Variants in CDKL5 observed in about 807,000 individuals in gnomAD.
CDKL5 encodes cyclin-dependent kinase-like 5.
In CDKL5, 8 loss-of-function variants were observed where a neutral mutation model predicts 61.7. The observed-to-expected ratio is 0.13, with a 90% CI of 0.08 to 0.23. CDKL5 has a LOEUF of 0.23. Ranked by LOEUF, CDKL5 falls within the 10% of genes least tolerant of loss-of-function variation. The pLI, the probability that CDKL5 is intolerant of heterozygous loss-of-function variation, is 1.00. For synonymous variants in CDKL5, 275 were observed against 272.3 expected (o/e 1.01, Z -0.10); for missense variants, 440 against 734.5 (o/e 0.60, Z 4.63).
intron 20 of CDKL5, among the ~76,000 whole-genome samples, chrX:18,648,203 G>C (rs1318233738): frequency 9.0e-6 from 1 of 110,743 alleles, no homozygotes; most frequent in East Asian, 2.9e-4. Flanking sequence ...GTCAGAGGCT[G>C]CCAATTTTCA....
chrX:18,587,654 A>T, intron 8 of CDKL5: 2 of 269,253 alleles, frequency 7.4e-6, no homozygotes, highest in Non-Finnish European at 1.3e-5. Context: ...TACTTGCCAG[A>T]TATGTATACT....
intron 3 of CDKL5, among the ~76,000 whole-genome samples, chrX:18,543,096 A>G (rs1279506968): frequency 9.0e-6 from 1 of 110,777 alleles, no homozygotes; most frequent in Non-Finnish European, 1.9e-5. Context: ...GTGTATGTGT[A>G]AAAGAGTGTT....
intron 1 of CDKL5, among the ~76,000 whole-genome samples, chrX:18,452,117 T>C (rs1489655652): frequency 1.8e-5 from 2 of 111,960 alleles, no homozygotes; most frequent in Admixed American, 9.5e-5. Flanking sequence ...ATTGTATTAA[T>C]AGATTTTTCA....
downstream of CDKL5, chrX:18,640,903 C>T (rs1289647661): frequency 8.9e-6 from 1 of 112,956 alleles, no homozygotes; most frequent in Non-Finnish European, 1.9e-5. Context: ...CAATCTAAGG[C>T]GCCGCCTCCA....
intron 1 of CDKL5, among the ~76,000 whole-genome samples, chrX:18,472,284 T>A (rs11094741): frequency 0.27 from 29,723 of 110,790 alleles, 3,630 homozygotes; most frequent in Admixed American, 0.55. Flanking sequence ...CTTTTACTTA[T>A]TAACACCATG....
rs999714595 is a variant in CDKL5 at position 18,545,448 on chromosome X, A to C, written c.100-19029A>C. Among the ~76,000 whole-genome samples, 6 of 111,906 alleles carry C rather than the reference A, an allele frequency of 5.4e-5. No individual in the cohort carries two copies. The Admixed American group carries it at 5.7e-4, about 11-fold the overall frequency. On this transcript the variant is annotated intron_variant, in intron 3 of 17. Transcript: ENST00000623535. Reference sequence around the variant, plus strand: ...GAATAACTAGAAGGATGTGACTCACACGTCATTATGTAAATATTATCCATG... The same window carrying C: ...GAATAACTAGAAGGATGTGACTCACCCGTCATTATGTAAATATTATCCATG...
chrX:18,582,399 G>A (rs1193043271), intron 7 of CDKL5, among the ~76,000 whole-genome samples: 1 of 111,471 alleles, frequency 9.0e-6, no homozygotes, highest in Non-Finnish European at 1.9e-5. Flanking sequence ...AATGGGGTTA[G>A]TCATGTATAA....
intron 1 of CDKL5, among the ~76,000 whole-genome samples, chrX:18,490,171 ATCCTTTATAAG>A (rs1921941959): frequency 9.0e-6 from 1 of 111,204 alleles, no homozygotes; most frequent in African/African-American, 3.3e-5. Flanking sequence ...CCTGAGTTGT[ATCCTTTATAAG>A]AAGCTGGTAG....
chrX:18,509,651 C>T (rs1434454605), intron 2 of CDKL5, among the ~76,000 whole-genome samples: 1 of 111,707 alleles, frequency 9.0e-6, no homozygotes, highest in Non-Finnish European at 1.9e-5. Flanking sequence ...ACTTTGCTGT[C>T]AACTCTGTCC....
At chrX:18,533,666 C>T (rs1361847500) in intron 3 of CDKL5, among the ~76,000 whole-genome samples, 1 of 111,410 alleles carries the variant, frequency 9.0e-6, no homozygotes, top group African/African-American at 3.3e-5. Flanking sequence ...CATTTTTTGT[C>T]CTGATCTTAC....
chrX:18,509,234 CA>C lies in CDKL5; in HGVS notation c.65-1585del, dbSNP rs1922729706. On this transcript the variant is annotated intron_variant, in intron 2 of 17. Coordinates refer to ENST00000623535, the MANE Select transcript of CDKL5 (RefSeq NM_001323289.2). The stretch of plus-strand genomic sequence containing the variant: ...ACACACACACACACACACACACACA[CA>C]CACACACACACCCCTGTCAAGCAAA... Among the ~76,000 whole-genome samples, 5 of 107,320 alleles carry C rather than the reference CA, an allele frequency of 4.7e-5. No individual in the cohort carries two copies. The South Asian group carries it at 2.1e-3, about 44-fold the overall frequency. The allele number at this position is 107,320 out of a possible 115,157, so 93.2% of individuals were successfully genotyped here. A position where few individuals can be genotyped will look rare whatever the true frequency, so the allele number is the denominator to read the frequency against.
At chrX:18,499,910 C>T (rs895852627) in intron 1 of CDKL5, among the ~76,000 whole-genome samples, 3 of 111,836 alleles carry the variant, frequency 2.7e-5, no homozygotes, top group Non-Finnish European at 3.8e-5. Context: ...TCCCTCAGAG[C>T]GTTGCTTTTT....
At chrX:18,471,763 G>A (rs1281114048) in intron 1 of CDKL5, among the ~76,000 whole-genome samples, 5 of 107,687 alleles carry the variant, frequency 4.6e-5, no homozygotes, top group East Asian at 2.9e-4. Context: ...TTTTTGAGGC[G>A]GAGTCTCACT....
chrX:18,493,170 C>T (rs1305036519), intron 1 of CDKL5, among the ~76,000 whole-genome samples: 5 of 112,008 alleles, frequency 4.5e-5, no homozygotes, highest in Non-Finnish European at 9.4e-5. Context: ...TCTAAGAGAG[C>T]CAACAACTCT....
At chrX:18,611,184 A>G (rs1256807180) in intron 14 of CDKL5, among the ~76,000 whole-genome samples, 4 of 111,302 alleles carry the variant, frequency 3.6e-5, no homozygotes, top group African/African-American at 1.3e-4. Context: ...TAATCCTAGC[A>G]CTTTGGGAGG....
intron 5 of CDKL5, among the ~76,000 whole-genome samples, chrX:18,576,863 C>T (rs1435950966): frequency 2.9e-5 from 3 of 104,350 alleles, no homozygotes; most frequent in Non-Finnish European, 5.8e-5. Context: ...ATTAGGATTC[C>T]AGGGGAAACC....
At chrX:18,593,826 A>G (rs938084346) in intron 9 of CDKL5, among the ~76,000 whole-genome samples, 4 of 112,480 alleles carry the variant, frequency 3.6e-5, no homozygotes, top group African/African-American at 1.3e-4. Context: ...TCTATCTGGA[A>G]GGTGCTGTCC....
At chrX:18,554,066 T>A (rs7049264) in intron 3 of CDKL5, among the ~76,000 whole-genome samples, 18,308 of 98,807 alleles carry the variant, frequency 0.19, 1,546 homozygotes, top group African/African-American at 0.33. Flanking sequence ...ATATATATAT[T>A]TTTTTTTTTC....
At chrX:18,539,164 T>A (rs770855242) in intron 3 of CDKL5, among the ~76,000 whole-genome samples, 4 of 112,003 alleles carry the variant, frequency 3.6e-5, no homozygotes, top group Admixed American at 9.5e-5. Flanking sequence ...TTAATTGTTC[T>A]TTTTGTGGAA....
Sources: gnomAD v4.1 joint callset for allele counts (sites outside exome capture counted in the v4.1 genomes callset) on GRCh38, gnomAD v4.1.1 for gene constraint, MANE v1.5 for transcripts, NCBI Gene and HGNC (gene_info 2026-07-23, HGNC 2026-07-21) for gene names.